Variants in LRP1B observed in about 807,000 individuals in gnomAD.
LRP1B encodes LDL receptor related protein 1B.
A neutral mutation model predicts 556.6 loss-of-function variants in LRP1B; 217 were observed. The observed-to-expected ratio is 0.39, with a 90% CI of 0.35 to 0.44. LRP1B has a LOEUF of 0.44. LRP1B is among the 20% of genes least tolerant of loss of function. The pLI is 1.00. For missense variants in LRP1B, 5,053 were observed against 5,620.8 expected, an observed-to-expected ratio of 0.90 and a Z score of 3.23; for synonymous variants, 2,047 against 1,865.8, an observed-to-expected ratio of 1.10 and a Z score of -2.50.
At chr2:140,748,416 T>G (rs1331411155) in intron 35 of LRP1B, among the ~76,000 whole-genome samples, 1 of 96,662 alleles carries the variant, frequency 1.0e-5, no homozygotes, top group Admixed American at 1.4e-4. Flanking sequence ...TATTCATATA[T>G]AATATATATT....
chr2:140,300,947 T>C (rs370612163), intron 83 of LRP1B, among the ~76,000 whole-genome samples: 1 of 152,106 alleles, frequency 6.6e-6, no homozygotes, highest in African/African-American at 2.4e-5. Flanking sequence ...GTAGGACTTA[T>C]TCTGTGGTTA....
intron 7 of LRP1B, among the ~76,000 whole-genome samples, chr2:141,150,869 T>TG (rs1553467366): frequency 0.11 from 14,798 of 138,650 alleles, 868 homozygotes; most frequent in Non-Finnish European, 0.13. Context: ...TCATGCTGGT[T>TG]TGTGTGTGTG....
At chr2:141,975,960 T>C (rs1701875051) in intron 1 of LRP1B, among the ~76,000 whole-genome samples, 2 of 152,158 alleles carry the variant, frequency 1.3e-5, no homozygotes, top group African/African-American at 4.8e-5. Context: ...AGGGCTTTTT[T>C]TGAATGCTGA....
rs1413914621 is a variant in LRP1B, at chr2:141,933,611, AT to A, written c.83-123211del. On this transcript the variant is annotated intron_variant, in intron 1 of 90. Transcript: ENST00000389484. ...ACTGAGAAGAAAGTTACTGGTGAAAATTCATAATCACTAGCCTGCTCTGGCT... is the reference window on the plus strand; with the variant it reads ...ACTGAGAAGAAAGTTACTGGTGAAAATCATAATCACTAGCCTGCTCTGGCT... Among the ~76,000 whole-genome samples, 19 of 152,294 alleles carry A rather than the reference AT, an allele frequency of 1.2e-4. No homozygotes were observed. The South Asian group carries it at 3.1e-3, about 25-fold the overall frequency.
chr2:141,772,027 G>C (rs2009269), intron 2 of LRP1B, among the ~76,000 whole-genome samples: 111,984 of 151,884 alleles, frequency 0.74, 41,690 homozygotes, highest in Non-Finnish European at 0.79. Flanking sequence ...CCATGTTGGC[G>C]AGGTTGTCTC....
intron 18 of LRP1B, among the ~76,000 whole-genome samples, chr2:140,956,298 C>T (rs1026181879): frequency 5.3e-5 from 8 of 151,698 alleles, no homozygotes; most frequent in Non-Finnish European, 7.4e-5. Flanking sequence ...GAATACAACA[C>T]TCTGATCAAT....
intron 7 of LRP1B, among the ~76,000 whole-genome samples, chr2:141,109,681 A>AT (rs375166211): frequency 1.3e-5 from 2 of 148,196 alleles, no homozygotes; most frequent in Non-Finnish European, 3.0e-5. Context: ...AAAAAAAAAA[A>AT]TACTTTGGAG....
At chr2:140,280,442 A>T (rs1028624608) in intron 84 of LRP1B, among the ~76,000 whole-genome samples, 1 of 151,832 alleles carries the variant, frequency 6.6e-6, no homozygotes, top group Non-Finnish European at 1.5e-5. Context: ...CAGTCGATTT[A>T]TGAACTGTAC....
At chr2:141,848,435 A>G (rs1377874721) in intron 1 of LRP1B, among the ~76,000 whole-genome samples, 1 of 151,460 alleles carries the variant, frequency 6.6e-6, no homozygotes. Flanking sequence ...TAACAGAGTT[A>G]ATGTTAGAAT....
rs112508220 is a variant in LRP1B at position 141,824,757 on chromosome 2, C to T, written c.83-14356G>A. 2.2e-3 allele frequency among the ~76,000 whole-genome samples: 328 copies of T among 152,306 alleles called. 4 individuals carry two copies. Among genetic ancestry groups the T allele is most frequent in the African/African-American group, 7.7e-3 (318 of 41,562 alleles). ...CTTTGTACTTTTCAAATCTTTCCCACCTGCTCACTGATACTTAAAAATCCA... is the reference window on the plus strand; with the variant it reads ...CTTTGTACTTTTCAAATCTTTCCCATCTGCTCACTGATACTTAAAAATCCA... On this transcript the variant is annotated intron_variant, in intron 1 of 90. Transcript: ENST00000389484.
intron 3 of LRP1B, among the ~76,000 whole-genome samples, chr2:141,454,824 C>G (rs187929010): frequency 1.3e-5 from 2 of 152,228 alleles, no homozygotes. Flanking sequence ...GAGAAATATA[C>G]GAAGCTAGAT....
chr2:140,739,789 C>G (rs987622592), intron 35 of LRP1B, among the ~76,000 whole-genome samples: 1 of 152,036 alleles, frequency 6.6e-6, no homozygotes, highest in Admixed American at 6.6e-5. Context: ...TGACAAAGGA[C>G]TGATATCCAG....
At chr2:140,326,428 A>G (rs572122827) in intron 79 of LRP1B, among the ~76,000 whole-genome samples, 1 of 152,272 alleles carries the variant, frequency 6.6e-6, no homozygotes, top group Admixed American at 6.5e-5. Context: ...AGTTAATGTG[A>G]CTAAAGATTG....
chr2:141,380,210 T>C (rs1689585745), intron 3 of LRP1B, among the ~76,000 whole-genome samples: 1 of 145,796 alleles, frequency 6.9e-6, no homozygotes, highest in African/African-American at 2.5e-5. Context: ...CTCTTCCTCT[T>C]GGTTTGCTCC....
At chr2:141,119,930 T>A (rs1448646488) in intron 7 of LRP1B, among the ~76,000 whole-genome samples, 3 of 151,892 alleles carry the variant, frequency 2.0e-5, no homozygotes, top group African/African-American at 2.4e-5. Context: ...TAATCATATG[T>A]TGTATTCTAG....
intron 47 of LRP1B, among the ~76,000 whole-genome samples, chr2:140,527,887 C>T (rs924714047): frequency 6.6e-6 from 1 of 151,874 alleles, no homozygotes; most frequent in African/African-American, 2.4e-5. Flanking sequence ...CTTATAATCT[C>T]TTTTTAGAAG....
chr2:141,934,654 G>C (rs566816915), intron 1 of LRP1B, among the ~76,000 whole-genome samples: 1 of 152,086 alleles, frequency 6.6e-6, no homozygotes, highest in Non-Finnish European at 1.5e-5. Flanking sequence ...TATGGGGGCT[G>C]TTACCTCCAT....
chr2:140,263,428 T>G (rs999642672), intron 86 of LRP1B, among the ~76,000 whole-genome samples: 52 of 152,280 alleles, frequency 3.4e-4, no homozygotes, highest in African/African-American at 1.3e-3. Flanking sequence ...TACCCTTGAT[T>G]TCTTCTTCAG....
chr2:141,172,951 C>T (rs1208912305), intron 7 of LRP1B, among the ~76,000 whole-genome samples: 1 of 151,742 alleles, frequency 6.6e-6, no homozygotes, highest in Admixed American at 6.6e-5. Context: ...TCCAATTATC[C>T]AAGCCTATGT....
Sources: allele counts gnomAD v4.1 joint callset (sites outside exome capture counted in the v4.1 genomes callset), GRCh38; gene constraint gnomAD v4.1.1; transcripts MANE v1.5; gene names NCBI Gene and HGNC (gene_info 2026-07-23, HGNC 2026-07-21).